Variants in SNX29 observed in about 807,000 individuals in gnomAD.
The protein encoded by SNX29 is sorting nexin-29.
Under a neutral mutation model 102.1 loss-of-function variants are expected in SNX29, and 78 were observed. The observed-to-expected ratio is 0.76, with a 90% CI of 0.64 to 0.92. SNX29 has a LOEUF of 0.92. SNX29 is among the 40% of genes least tolerant of loss of function. The pLI, the probability that SNX29 is intolerant of heterozygous loss-of-function variation, is 0.00. For synonymous variants in SNX29, 580 were observed against 414.5 expected (o/e 1.40, Z -4.85); for missense variants, 1,280 against 1,061.7 (o/e 1.21, Z -2.86).
chr16:12,562,969 G>A (rs1485233346), intron 20 of SNX29, among the ~76,000 whole-genome samples: 2 of 119,300 alleles, frequency 1.7e-5, no homozygotes, highest in African/African-American at 3.6e-5. Flanking sequence ...CAACACAAGG[G>A]GTGAGGGCTG....
chr16:12,326,477 G>T (rs530441521), intron 15 of SNX29, among the ~76,000 whole-genome samples: 3 of 152,040 alleles, frequency 2.0e-5, no homozygotes, highest in Admixed American at 6.6e-5. Context: ...AAACATGTCC[G>T]GTGTGATGGC....
intron 19 of SNX29, among the ~76,000 whole-genome samples, chr16:12,507,235 C>T (rs953596885): frequency 7.9e-5 from 12 of 152,160 alleles, no homozygotes; most frequent in Non-Finnish European, 1.2e-4. Flanking sequence ...GGTCCTTTCC[C>T]ATCACATCAA....
Position 12,044,210 on chromosome 16 carries a change from C to T in SNX29, c.428+1133C>T, listed in dbSNP as rs114306492. Among the ~76,000 whole-genome samples, 23 of 152,282 alleles carry T rather than the reference C, an allele frequency of 1.5e-4. No individual in the cohort carries two copies. The East Asian group carries it at 3.5e-3, about 23-fold the overall frequency. ...TCAACAGTGAAATTTCACTGAATTC[C>T]GTAAGTGGGCAGTTTGTGAGTAGTG... is the stretch of plus-strand genomic sequence containing the variant. On this transcript the variant is annotated intron_variant, in intron 5 of 20. Coordinates refer to ENST00000566228, the MANE Select transcript of SNX29 (RefSeq NM_032167.5).
intron 20 of SNX29, among the ~76,000 whole-genome samples, chr16:12,540,197 A>G (rs960502311): frequency 6.6e-6 from 1 of 152,098 alleles, no homozygotes; most frequent in South Asian, 2.1e-4. Flanking sequence ...TGTCAGGTCC[A>G]AGGATTGGGT....
At chr16:12,454,457 G>GC (rs2086447548) in intron 18 of SNX29, among the ~76,000 whole-genome samples, 1 of 152,198 alleles carries the variant, frequency 6.6e-6, no homozygotes, top group South Asian at 2.1e-4. Context: ...GAGAACTGCT[G>GC]CCCAGAACTC....
At chr16:12,105,344 C>T (rs1263203417) in intron 11 of SNX29, among the ~76,000 whole-genome samples, 1 of 151,938 alleles carries the variant, frequency 6.6e-6, no homozygotes, top group Non-Finnish European at 1.5e-5. Flanking sequence ...TGTGCCTCAG[C>T]CACCCGAGTA....
chr16:12,548,842 C>CA (rs1491336011), intron 20 of SNX29, among the ~76,000 whole-genome samples: 2 of 152,318 alleles, frequency 1.3e-5, no homozygotes, highest in Non-Finnish European at 2.9e-5. Context: ...GTCTAGCTCT[C>CA]AGTTCCTCTG....
In SNX29 at chr16:12,483,837, G is replaced by C. The variant is rs534044525; in HGVS notation, c.2178+5978G>C. On this transcript the variant is annotated intron_variant, in intron 19 of 20. Transcript: ENST00000566228. ...AACAAGGAGTAGGGGCAAGTCAGGT[G>C]GTGGCTTCTAAAGCTGCTGCCTGGA... 5.9e-5 allele frequency among the ~76,000 whole-genome samples: 9 copies of C among 152,316 alleles called. No individual in the cohort carries two copies. In the South Asian group the frequency reaches 1.0e-3, roughly 18 times the overall value.
intron 16 of SNX29, among the ~76,000 whole-genome samples, chr16:12,377,811 G>A (rs572697952): frequency 6.6e-6 from 1 of 152,286 alleles, no homozygotes; most frequent in East Asian, 1.9e-4. Context: ...TAGGTACCGT[G>A]CTTTGAACTC....
Position 11,999,320 on chromosome 16 carries a change from C to T in SNX29, c.31C>T (p.Gln11Ter). Residue 11 changes from glutamine (Q) to a stop codon, truncating the protein, a stop_gained, in exon 2 of 21, where the codon CAA becomes TAA. Transcript: ENST00000566228. LOFTEE classifies it high-confidence loss of function. Reference protein sequence around the residue: MSGSQNNDKRQFLLERLLDAV... With the variant: MSGSQNNDKR ...AGGATCACAGAACAATGACAAAAGA[C>T]AATTTCTGCTGGAGCGACTGCTGGA... The T allele has an allele frequency of 6.2e-7, 1 of 1,614,060 alleles. No individual in the cohort carries two copies.
intron 20 of SNX29, among the ~76,000 whole-genome samples, chr16:12,540,300 T>G (rs34246038): frequency 6.6e-6 from 1 of 151,760 alleles, no homozygotes; most frequent in Non-Finnish European, 1.5e-5. Context: ...CATTACGGGG[T>G]GGCCCCACCC....
At chr16:12,137,373 G>T (rs1395057510) in intron 13 of SNX29, among the ~76,000 whole-genome samples, 1 of 152,202 alleles carries the variant, frequency 6.6e-6, no homozygotes, top group Non-Finnish European at 1.5e-5. Context: ...AGAGCCCTTG[G>T]CCCCTGGCCT....
At chr16:12,355,637 T>C (rs1384997887) in intron 15 of SNX29, among the ~76,000 whole-genome samples, 1 of 152,132 alleles carries the variant, frequency 6.6e-6, no homozygotes, top group African/African-American at 2.4e-5. Context: ...ACATTGACTA[T>C]AGACCATCTG....
At chr16:12,349,475 C>T (rs1365737029) in intron 15 of SNX29, among the ~76,000 whole-genome samples, 1 of 152,192 alleles carries the variant, frequency 6.6e-6, no homozygotes, top group East Asian at 1.9e-4. Context: ...TCCCAAAATC[C>T]CAAATTCAAA....
At position 12,142,039 on chromosome 16, in the gene SNX29, C is replaced by T. The variant is rs145663508; in HGVS notation, c.1595+12281C>T. ...CTCGTGATGACCCAGACTGTCCCCA[C>T]GGCCCCCAGTGAGAATCTCTGCTTT... is the stretch of plus-strand genomic sequence containing the variant. On this transcript the variant is annotated intron_variant, in intron 13 of 20. Coordinates refer to ENST00000566228, the MANE Select transcript of SNX29 (RefSeq NM_032167.5). 1.2e-4 allele frequency among the ~76,000 whole-genome samples: 18 copies of T among 152,322 alleles called. No homozygotes were observed. The East Asian group carries it at 1.9e-3, about 16-fold the overall frequency.
At chr16:11,985,463 G>T (rs918112673) in intron 1 of SNX29, among the ~76,000 whole-genome samples, 1 of 152,198 alleles carries the variant, frequency 6.6e-6, no homozygotes, top group Non-Finnish European at 1.5e-5. Flanking sequence ...CTGGCTTCAA[G>T]CTTAGCTGGA....
chr16:12,564,880 A>AG (rs756736024), intron 20 of SNX29, among the ~76,000 whole-genome samples: 4 of 149,534 alleles, frequency 2.7e-5, no homozygotes, highest in Middle Eastern at 3.6e-3. Context: ...TTTCACTCTG[A>AG]GGATCCTGTG....
chr16:12,100,382 C>T (rs1418455407), intron 11 of SNX29, among the ~76,000 whole-genome samples: 2 of 152,158 alleles, frequency 1.3e-5, no homozygotes, highest in African/African-American at 2.4e-5. Context: ...CAGTGCCCAG[C>T]GTCCTCCAGG....
intron 11 of SNX29, among the ~76,000 whole-genome samples, chr16:12,116,151 C>G (rs1417910131): frequency 6.6e-6 from 1 of 152,160 alleles, no homozygotes; most frequent in African/African-American, 2.4e-5. Context: ...TTTGGTGGAT[C>G]CTTAAAACGT....
Sources: gnomAD v4.1 joint callset for allele counts (sites outside exome capture counted in the v4.1 genomes callset) on GRCh38, gnomAD v4.1.1 for gene constraint, MANE v1.5 for transcripts, NCBI Gene and HGNC (gene_info 2026-07-23, HGNC 2026-07-21) for gene names.